Variants in FRMPD4 observed in about 807,000 individuals in gnomAD.
The protein encoded by FRMPD4 is FERM and PDZ domain-containing protein 4.
A neutral mutation model predicts 94.1 loss-of-function variants in FRMPD4; 22 were observed. The ratio of observed to expected loss-of-function variants is 0.23; its 90% CI spans 0.17 to 0.33. The LOEUF (loss-of-function observed/expected upper bound fraction) is 0.33. Among genes scored for constraint, FRMPD4 ranks in the 10% least tolerant of loss-of-function variants. FRMPD4 has a pLI of 1.00. For synonymous variants in FRMPD4, 631 were observed against 548.6 expected, an observed-to-expected ratio of 1.15 and a Z score of -2.10; for missense variants, 1,111 against 1,339.9, an observed-to-expected ratio of 0.83 and a Z score of 2.67.
intron 1 of FRMPD4, among the ~76,000 whole-genome samples, chrX:12,433,289 C>A (rs2057029137): frequency 8.9e-6 from 1 of 112,125 alleles, no homozygotes; most frequent in Non-Finnish European, 1.9e-5. Context: ...TGGAGATTGT[C>A]ATCTCTTTTC....
chrX:12,548,690 G>A (rs2058503210), intron 2 of FRMPD4, among the ~76,000 whole-genome samples: 2 of 111,851 alleles, frequency 1.8e-5, no homozygotes, highest in Non-Finnish European at 3.8e-5. Context: ...TCTTGGAACC[G>A]ATAGAGAACT....
Position 12,311,439 on chromosome X carries a change from C to T in FRMPD4, c.41+172427C>T, listed in dbSNP as rs376697012. Among the ~76,000 whole-genome samples, 282 of 111,912 alleles carry T rather than the reference C, an allele frequency of 2.5e-3. 1 individual carries two copies. Among genetic ancestry groups the T allele is most frequent in the Non-Finnish European group, 4.3e-3 (227 of 53,159 alleles). On this transcript the variant is annotated intron_variant, in intron 1 of 16. Coordinates refer to ENST00000675598, the MANE Select transcript of FRMPD4 (RefSeq NM_001368397.1). ...AAGATAAGATGAATTTTGCTTGATA[C>T]GGTCAGTGTTGGTTTGGAGTTACCC...
intron 3 of FRMPD4, among the ~76,000 whole-genome samples, chrX:12,077,185 T>C (rs985109893): frequency 1.8e-5 from 2 of 112,456 alleles, no homozygotes; most frequent in African/African-American, 6.5e-5. Flanking sequence ...ATCATCTGCC[T>C]CCTCCATCGC....
intron 1 of FRMPD4, among the ~76,000 whole-genome samples, chrX:12,446,259 AGTAT>A (rs1240170862): frequency 2.7e-5 from 3 of 112,705 alleles, no homozygotes; most frequent in Non-Finnish European, 5.6e-5. Flanking sequence ...ATTTGTAGTT[AGTAT>A]GTATGACAAA....
intron 2 of FRMPD4, among the ~76,000 whole-genome samples, chrX:12,538,173 G>T (rs760983885): frequency 4.5e-5 from 5 of 111,603 alleles, no homozygotes; most frequent in Non-Finnish European, 9.4e-5. Flanking sequence ...GGCACACCAC[G>T]AGATTATAGC....
At position 12,609,623 on chromosome X, in the gene FRMPD4, A is replaced by G. The variant is rs1284458466; in HGVS notation, c.159-98A>G. 7.9e-6 allele frequency: 6 copies of G among 763,962 alleles called. No individual in the cohort carries two copies. The African/African-American group carries it at 8.3e-5, about 11-fold the overall frequency. The allele number at this position is 763,962 out of a possible 1,213,427, so 63.0% of individuals were successfully genotyped here. On this transcript the variant is annotated intron_variant, in intron 2 of 16. Transcript: ENST00000675598. Reference sequence around the variant, plus strand: ...CCCCAGATCTTTCTCACTCTCTACCAAAAAACAGGTTTTGAAATTAAAGAG... The same window carrying G: ...CCCCAGATCTTTCTCACTCTCTACCGAAAAACAGGTTTTGAAATTAAAGAG...
intron 4 of FRMPD4, among the ~76,000 whole-genome samples, chrX:12,666,404 T>C (rs193023435): frequency 9.0e-6 from 1 of 111,479 alleles, no homozygotes; most frequent in African/African-American, 3.3e-5. Context: ...ATTCAGGACT[T>C]GAACTCAGCT....
At chrX:12,696,413 A>G (rs2060129604) in intron 9 of FRMPD4, among the ~76,000 whole-genome samples, 1 of 110,434 alleles carries the variant, frequency 9.1e-6, no homozygotes, top group Non-Finnish European at 1.9e-5. Context: ...ACTGCTTCCT[A>G]TTACTCTCAC....
rs776525328 is a variant in FRMPD4, at chrX:12,672,626, C to G, written c.423-2237C>G. Among the ~76,000 whole-genome samples the G allele has an allele frequency of 1.8e-4, 20 of 111,470 alleles. No individual in the cohort carries two copies. In the South Asian group the frequency reaches 3.4e-3, roughly 19 times the overall value. On this transcript the variant is annotated intron_variant, in intron 4 of 16. Transcript: ENST00000675598. ...GTTTTCAACACCTTTGAAAATCTTG[C>G]GGCACCCTTCTTTGGCATGTGGGAA... is the stretch of plus-strand genomic sequence containing the variant.
At position 12,396,555 on chromosome X, in the gene FRMPD4, A is replaced by G. The variant is rs367935608; in HGVS notation, c.42-102125A>G. Among the ~76,000 whole-genome samples, 9 of 112,352 alleles carry G rather than the reference A, an allele frequency of 8.0e-5. No homozygotes were observed. In the South Asian group the frequency reaches 2.9e-3, roughly 37 times the overall value. ...CTTTGCTCTTATATAAAATACTTGA[A>G]TGAGGTATATCTGTGTGTATAATTA... On this transcript the variant is annotated intron_variant, in intron 1 of 16. Transcript: ENST00000675598.
chrX:12,332,215 G>T (rs904129266), intron 1 of FRMPD4, among the ~76,000 whole-genome samples: 2,749 of 53,627 alleles, frequency 0.051, 118 homozygotes, highest in African/African-American at 0.079. Flanking sequence ...TATAGAGAGA[G>T]AGAGAGAGAG....
chrX:12,584,772 G>A (rs2058907040), intron 2 of FRMPD4, among the ~76,000 whole-genome samples: 1 of 112,222 alleles, frequency 8.9e-6, no homozygotes, highest in South Asian at 3.7e-4. Context: ...TCAGGAAAAG[G>A]AAGGAAATTT....
At chrX:12,147,413 A>C (rs754275603) in intron 1 of FRMPD4, among the ~76,000 whole-genome samples, 47 of 112,602 alleles carry the variant, frequency 4.2e-4, no homozygotes, top group Non-Finnish European at 8.2e-4. Flanking sequence ...TGCTATATGA[A>C]GAACTGCCTA....
At chrX:12,322,476 T>A (rs1221064598) in intron 1 of FRMPD4, among the ~76,000 whole-genome samples, 1 of 110,035 alleles carries the variant, frequency 9.1e-6, no homozygotes, top group Non-Finnish European at 1.9e-5. Flanking sequence ...AGGTGGATGA[T>A]GTGCTTGGTG....
chrX:12,664,045 T>A (rs1213416791), intron 4 of FRMPD4, among the ~76,000 whole-genome samples: 1 of 112,507 alleles, frequency 8.9e-6, no homozygotes, highest in Non-Finnish European at 1.9e-5. Flanking sequence ...TCTTTGCACA[T>A]TGATTTTGTT....
intron 3 of FRMPD4, among the ~76,000 whole-genome samples, chrX:12,107,356 A>G (rs1444929250): frequency 8.9e-6 from 1 of 112,150 alleles, no homozygotes; most frequent in Non-Finnish European, 1.9e-5. Flanking sequence ...TTAGAAGGAA[A>G]ACTAACAAAC....
chrX:12,387,319 G>A (rs2056409843), intron 1 of FRMPD4, among the ~76,000 whole-genome samples: 3 of 111,982 alleles, frequency 2.7e-5, no homozygotes, highest in African/African-American at 6.5e-5. Context: ...ACGCAGACCT[G>A]GTAATTAAAG....
At chrX:12,500,936 G>T (rs1029661928) in intron 2 of FRMPD4, among the ~76,000 whole-genome samples, 4 of 112,185 alleles carry the variant, frequency 3.6e-5, no homozygotes, top group Non-Finnish European at 7.5e-5. Context: ...AAAAGATATG[G>T]ATGATGGGTT....
At chrX:12,254,426 G>A (rs762767138) in intron 1 of FRMPD4, among the ~76,000 whole-genome samples, 1 of 111,862 alleles carries the variant, frequency 8.9e-6, no homozygotes, top group Admixed American at 9.5e-5. Flanking sequence ...AGCTTGCTTT[G>A]GGATTCAAAG....
Sources: allele counts gnomAD v4.1 joint callset (sites outside exome capture counted in the v4.1 genomes callset), GRCh38; gene constraint gnomAD v4.1.1; transcripts MANE v1.5; gene names NCBI Gene and HGNC (gene_info 2026-07-23, HGNC 2026-07-21).